RALY: variants seen among roughly 807,000 people sequenced by gnomAD.
RALY encodes RNA-binding protein Raly.
In RALY, 15 loss-of-function variants were observed where a neutral mutation model predicts 30.7. The observed-to-expected ratio is 0.49, with a 90% confidence interval of 0.33 to 0.75. RALY has a LOEUF of 0.75. Ranked by LOEUF, RALY falls within the 30% of genes least tolerant of loss-of-function variation. RALY has a pLI of 0.02. For missense variants in RALY, 339 were observed against 414.3 expected (o/e 0.82, Z 1.58); for synonymous variants, 177 against 170.8 (o/e 1.04, Z -0.28).
chr20:34,066,340 G>C (rs983290798), intron 2 of RALY, among the ~76,000 whole-genome samples: 1 of 152,068 alleles, frequency 6.6e-6, no homozygotes. Flanking sequence ...TTAGCTGGCT[G>C]TGGTGGCGGG....
At chr20:34,061,335 A>T (rs1389104305) in intron 2 of RALY, among the ~76,000 whole-genome samples, 1 of 152,218 alleles carries the variant, frequency 6.6e-6, no homozygotes, top group Non-Finnish European at 1.5e-5. Context: ...AAGAAAAGGA[A>T]AAAAATTGGA....
chr20:34,042,791 C>T lies in RALY; in HGVS notation c.-10+11187C>T, dbSNP rs138468505. ...AGGTATATACCTTCTTAGTTTTTTA[C>T]ACATTAACCTCTTACTGCAGAGTTT... On this transcript the variant is annotated intron_variant, in intron 2 of 9. Transcript: ENST00000246194. Among the ~76,000 whole-genome samples, 186 of 152,322 alleles carry T rather than the reference C, an allele frequency of 1.2e-3. 1 individual carries two copies. Among genetic ancestry groups the T allele is most frequent in the African/African-American group, 4.1e-3 (172 of 41,580 alleles).
chr20:34,036,862 A>T (rs1414669363), intron 2 of RALY, among the ~76,000 whole-genome samples: 2 of 148,538 alleles, frequency 1.3e-5, no homozygotes, highest in East Asian at 4.0e-4. Context: ...AGGTTTGTTG[A>T]TTTTGCTGGT....
At chr20:34,022,869 T>C (rs2031880479) in intron 1 of RALY, among the ~76,000 whole-genome samples, 1 of 152,226 alleles carries the variant, frequency 6.6e-6, no homozygotes, top group African/African-American at 2.4e-5. Flanking sequence ...CTTCATAGCA[T>C]AGCATTTTTT....
intron 1 of RALY, among the ~76,000 whole-genome samples, chr20:34,017,014 TCTG>T (rs1481732025): frequency 6.9e-6 from 1 of 144,664 alleles, no homozygotes; most frequent in African/African-American, 2.6e-5. Context: ...ATACAACAGT[TCTG>T]CTGGTGTAGC....
chr20:34,029,112 A>G (rs1387877653), intron 1 of RALY, among the ~76,000 whole-genome samples: 1 of 152,152 alleles, frequency 6.6e-6, no homozygotes, highest in Non-Finnish European at 1.5e-5. Context: ...GTAAGTTTCA[A>G]GAAATATGCC....
intron 1 of RALY, among the ~76,000 whole-genome samples, chr20:34,021,410 C>T (rs1029856677): frequency 2.0e-5 from 3 of 152,068 alleles, no homozygotes; most frequent in Admixed American, 6.6e-5. Flanking sequence ...GTGAGGGCCA[C>T]GTTGCTGCAT....
chr20:34,018,493 T>G (rs17091470), intron 1 of RALY, among the ~76,000 whole-genome samples: 15,105 of 152,180 alleles, frequency 0.099, 764 homozygotes, highest in Middle Eastern at 0.18. Flanking sequence ...AGAAAGAAAT[T>G]AATGGAATCT....
rs149999947 is a variant in RALY at position 34,073,465 on chromosome 20, C to T, written c.257-98C>T. On this transcript the variant is annotated intron_variant, in intron 3 of 9. Coordinates refer to ENST00000246194, the MANE Select transcript of RALY (RefSeq NM_016732.3). ...CAGTGAGCAGAATCCATGTGTATACCGTGTAAGCACATGAATTGCTGTGCG... is the reference window on the plus strand; with the variant it reads ...CAGTGAGCAGAATCCATGTGTATACTGTGTAAGCACATGAATTGCTGTGCG... 1.7e-4 allele frequency: 192 copies of T among 1,113,936 alleles called. 1 individual carries two copies. The African/African-American group carries it at 2.3e-3, about 14-fold the overall frequency. The allele number at this position is 1,113,936 out of a possible 1,614,324, so 69.0% of individuals were successfully genotyped here.
intron 2 of RALY, among the ~76,000 whole-genome samples, chr20:34,039,619 T>A (rs1416675754): frequency 6.6e-6 from 1 of 152,230 alleles, no homozygotes; most frequent in Admixed American, 6.5e-5. Context: ...CTAGAGTATT[T>A]AGAATGCTCC....
At chr20:34,068,595 T>C (rs2033642864) in intron 2 of RALY, among the ~76,000 whole-genome samples, 1 of 152,096 alleles carries the variant, frequency 6.6e-6, no homozygotes, top group Non-Finnish European at 1.5e-5. Flanking sequence ...GTAATAAGAG[T>C]ACAAATAGAG....
At chr20:34,041,792 T>A (rs904935593) in intron 2 of RALY, among the ~76,000 whole-genome samples, 8 of 152,142 alleles carry the variant, frequency 5.3e-5, no homozygotes, top group Non-Finnish European at 5.9e-5. Context: ...ACCCTTTTTT[T>A]AAAACATGTA....
At chr20:34,028,838 A>G (rs1410328689) in intron 1 of RALY, among the ~76,000 whole-genome samples, 1 of 152,092 alleles carries the variant, frequency 6.6e-6, no homozygotes, top group Non-Finnish European at 1.5e-5. Flanking sequence ...AAGAAGGGCA[A>G]TTCCAGTGAG....
intron 1 of RALY, among the ~76,000 whole-genome samples, chr20:34,005,769 A>G (rs1241922613): frequency 6.6e-6 from 1 of 152,258 alleles, no homozygotes; most frequent in African/African-American, 2.4e-5. Flanking sequence ...GTTAAGAGAT[A>G]TGCCGTGGGC....
intron 1 of RALY, among the ~76,000 whole-genome samples, chr20:34,003,331 T>C (rs2031006888): frequency 6.6e-6 from 1 of 152,188 alleles, no homozygotes; most frequent in Admixed American, 6.5e-5. Flanking sequence ...ATTAGAACGT[T>C]GTAAAATCAC....
At chr20:34,074,732 T>C (rs1442969838) in intron 5 of RALY, among the ~76,000 whole-genome samples, 1 of 152,186 alleles carries the variant, frequency 6.6e-6, no homozygotes, top group Non-Finnish European at 1.5e-5. Flanking sequence ...CTCTCCAGGC[T>C]CCTCCAGCTC....
chr20:34,066,406 G>A (rs577008554), intron 2 of RALY, among the ~76,000 whole-genome samples: 50 of 152,236 alleles, frequency 3.3e-4, no homozygotes, highest in African/African-American at 1.2e-3. Flanking sequence ...TTGAACCCGG[G>A]AAGCGGAGGT....
intron 1 of RALY, among the ~76,000 whole-genome samples, chr20:34,003,194 T>A (rs1307114515): frequency 6.6e-6 from 1 of 152,208 alleles, no homozygotes; most frequent in Non-Finnish European, 1.5e-5. Context: ...CTGTGGGGTC[T>A]GGAATAATAA....
chr20:34,064,311 A>G (rs1379324615), intron 2 of RALY, among the ~76,000 whole-genome samples: 1 of 152,124 alleles, frequency 6.6e-6, no homozygotes, highest in Middle Eastern at 3.2e-3. Context: ...TTCAAGATGC[A>G]GGGAGGGTGG....
Sources: gnomAD v4.1 joint callset for allele counts (sites outside exome capture counted in the v4.1 genomes callset) on GRCh38, gnomAD v4.1.1 for gene constraint, MANE v1.5 for transcripts, NCBI Gene and HGNC (gene_info 2026-07-23, HGNC 2026-07-21) for gene names.